The following NLRP1 variants were observed in gnomAD, a reference collection of about 807,000 sequenced individuals.
NLRP1 encodes the protein NLR family pyrin domain containing 1.
In NLRP1, 94 loss-of-function variants were observed where a neutral mutation model predicts 136.7. The observed-to-expected ratio is 0.69, with a 90% CI of 0.58 to 0.82. The LOEUF is 0.82. Among genes scored for constraint, NLRP1 ranks in the 40% least tolerant of loss-of-function variants. The probability of loss-of-function intolerance (pLI) is 0.00; values close to 1 mark genes in which losing one functional copy is unlikely to be tolerated. For synonymous variants in NLRP1, 690 were observed against 725.1 expected (o/e 0.95, Z 0.78); for missense variants, 1,575 against 1,802.7 (o/e 0.87, Z 2.29).
chr17:5,540,657 G>A (rs769139882), intron 6 of NLRP1, among the ~76,000 whole-genome samples: 1 of 152,206 alleles, frequency 6.6e-6, no homozygotes, highest in Non-Finnish European at 1.5e-5. Context: ...CTTGTCTTCT[G>A]TAGATGTAGC....
rs199684717 is a variant in NLRP1 at position 5,506,902 on chromosome 17, CAAAAAAA to C, written c.4070-5037_4070-5031del. 8.4e-4 allele frequency among the ~76,000 whole-genome samples: 75 copies of C among 88,796 alleles called. 1 individual carries two copies. The highest frequency in any genetic ancestry group is 9.9e-4 in the Admixed American group (7 of 7,072). 58.3% of individuals were successfully genotyped at this position (88,796 alleles called of 152,430 possible). A position where few individuals can be genotyped will look rare whatever the true frequency, so the allele number is the denominator to read the frequency against. On this transcript the variant is annotated intron_variant, in intron 15 of 15. Coordinates refer to the NLRP1 transcript ENST00000262467. ...GGGCAACAAGAGCAAAACTCCATCT[CAAAAAAA>C]AAAAAAAAAAAAAAAAAATTCTGAC...
At chr17:5,574,142 G>A (rs1357686444) in intron 3 of NLRP1, among the ~76,000 whole-genome samples, 2 of 152,162 alleles carry the variant, frequency 1.3e-5, no homozygotes, top group African/African-American at 2.4e-5. Context: ...ACCATGGCAC[G>A]AGAACTACGT....
At chr17:5,515,589 G>T in intron 15 of NLRP1, 72 bp from the exon 16 acceptor site, 1 of 1,160,534 alleles carries the variant, frequency 8.6e-7, no homozygotes, top group Non-Finnish European at 1.3e-6. Context: ...ACACCTCCAA[G>T]CTCCCACTCA....
At chr17:5,532,491 TG>T (rs35874266) in intron 11 of NLRP1, among the ~76,000 whole-genome samples, 8,735 of 152,292 alleles carry the variant, frequency 0.057, 292 homozygotes, top group Middle Eastern at 0.099. Flanking sequence ...TTTAAAATAC[TG>T]TAACAATAAC....
chr17:5,584,055 C>T lies in NLRP1; in HGVS notation c.-98G>A. ...GTGCTGTCCTTTGCCTTGGCTCTTA[C>T]CGTCTCTTATTCAGCATTCGGAACC... On this transcript the variant is annotated 5_prime_UTR_variant, in exon 1 of 17. Coordinates refer to ENST00000572272, the MANE Select transcript of NLRP1 (RefSeq NM_033004.4). 1 of 1,216,292 alleles carries T rather than the reference C, an allele frequency of 8.2e-7. No homozygotes were observed. The highest frequency in any genetic ancestry group is 1.1e-6 in the Non-Finnish European group (1 of 882,664). The allele number at this position is 1,216,292 out of a possible 1,614,324, so 75.3% of individuals were successfully genotyped here.
intron 6 of NLRP1, among the ~76,000 whole-genome samples, chr17:5,540,042 C>G (rs2151771980): frequency 6.6e-6 from 1 of 152,322 alleles, no homozygotes; most frequent in South Asian, 2.1e-4. Flanking sequence ...ATATCGTTTT[C>G]CCAGCAGTTC....
At chr17:5,579,532 C>T (rs1478937130) in intron 3 of NLRP1, among the ~76,000 whole-genome samples, 1 of 152,166 alleles carries the variant, frequency 6.6e-6, no homozygotes, top group African/African-American at 2.4e-5. Flanking sequence ...AGGAATTTCG[C>T]GATTTGCCAA....
intron 11 of NLRP1, 90 bp from the exon 12 acceptor site, chr17:5,530,794 C>T (rs895595354): frequency 3.8e-5 from 37 of 964,336 alleles, no homozygotes; most frequent in East Asian, 9.9e-5. Flanking sequence ...CTTGCGGATA[C>T]GGTACAGTGG....
chr17:5,555,462 T>C (rs1484534960), intron 4 of NLRP1, among the ~76,000 whole-genome samples: 1 of 152,172 alleles, frequency 6.6e-6, no homozygotes, highest in Admixed American at 6.5e-5. Context: ...TCCCACGGCA[T>C]TCTCTTAAGG....
chr17:5,540,861 G>C (rs73342920), intron 6 of NLRP1, among the ~76,000 whole-genome samples: 1 of 152,158 alleles, frequency 6.6e-6, no homozygotes, highest in Non-Finnish European at 1.5e-5. Flanking sequence ...AGAAGGAAGG[G>C]ACGTGTGATG....
downstream of NLRP1, chr17:5,512,004 C>T: frequency 1.8e-6 from 1 of 550,114 alleles, no homozygotes; most frequent in Non-Finnish European, 3.4e-6. Flanking sequence ...TAGAAAGTAA[C>T]AATGAGGTGG....
intron 5 of NLRP1, among the ~76,000 whole-genome samples, chr17:5,547,555 C>T (rs565023676): frequency 6.6e-6 from 1 of 152,160 alleles, no homozygotes; most frequent in East Asian, 1.9e-4. Flanking sequence ...TTGGAAGGCC[C>T]AAGGAATTAA....
intron 3 of NLRP1, among the ~76,000 whole-genome samples, chr17:5,576,003 AAC>A (rs1904976620): frequency 6.6e-6 from 1 of 152,192 alleles, no homozygotes; most frequent in African/African-American, 2.4e-5. Flanking sequence ...ATGGAAACTG[AAC>A]AACCTGCTCC....
intron 12 of NLRP1, among the ~76,000 whole-genome samples, chr17:5,527,863 T>C (rs1412169729): frequency 6.6e-6 from 1 of 152,182 alleles, no homozygotes; most frequent in Admixed American, 6.5e-5. Flanking sequence ...CCAGGCCCAC[T>C]TGATGCACGC....
At chr17:5,544,689 G>T (rs936083611) in intron 5 of NLRP1, among the ~76,000 whole-genome samples, 2 of 152,212 alleles carry the variant, frequency 1.3e-5, no homozygotes, top group Non-Finnish European at 2.9e-5. Context: ...GCTCTGTATC[G>T]TAGTACCTTT....
At chr17:5,542,326 C>T (rs886158940) in intron 5 of NLRP1, among the ~76,000 whole-genome samples, 7 of 152,180 alleles carry the variant, frequency 4.6e-5, no homozygotes, top group East Asian at 1.9e-4. Context: ...TCCTCATCAT[C>T]TCTGTCCTCA....
intron 3 of NLRP1, among the ~76,000 whole-genome samples, chr17:5,580,613 TG>T (rs1483617351): frequency 6.6e-6 from 1 of 152,230 alleles, no homozygotes; most frequent in African/African-American, 2.4e-5. Flanking sequence ...TTTATAGCAA[TG>T]AGGTAGTCTT....
chr17:5,552,763 T>C (rs1446960111), intron 5 of NLRP1, among the ~76,000 whole-genome samples: 1 of 152,256 alleles, frequency 6.6e-6, no homozygotes, highest in Non-Finnish European at 1.5e-5. Context: ...CATTTAAAAG[T>C]ACTATAATTT....
chr17:5,517,919 G>A (rs1367920451), intron 14 of NLRP1, 32 bp from the exon 15 acceptor site: 1 of 1,611,500 alleles, frequency 6.2e-7, no homozygotes, highest in Non-Finnish European at 8.5e-7. Flanking sequence ...TTGCCACCCT[G>A]TTCATCTTGC....
Sources: gnomAD v4.1 joint callset for allele counts (sites outside exome capture counted in the v4.1 genomes callset) on GRCh38, gnomAD v4.1.1 for gene constraint, MANE v1.5 for transcripts, NCBI Gene and HGNC (gene_info 2026-07-23, HGNC 2026-07-21) for gene names.